Variants in TLN2 observed in about 807,000 individuals in gnomAD.
TLN2 encodes talin-2.
Under a neutral mutation model 294.7 loss-of-function variants are expected in TLN2, and 118 were observed. That is an observed-to-expected ratio of 0.40 (90% CI 0.34 to 0.47). The LOEUF (loss-of-function observed/expected upper bound fraction) is 0.47. TLN2 is among the 20% of genes least tolerant of loss of function. TLN2 has a pLI of 0.84. For synonymous variants in TLN2, 1,431 were observed against 1,304.5 expected, an observed-to-expected ratio of 1.10 and a Z score of -2.09; for missense variants, 3,083 against 3,282.2, an observed-to-expected ratio of 0.94 and a Z score of 1.48.
intron 54 of TLN2, among the ~76,000 whole-genome samples, chr15:62,823,028 T>C (rs959662027): frequency 4.6e-5 from 7 of 152,206 alleles, no homozygotes; most frequent in African/African-American, 1.7e-4. Flanking sequence ...CCTTTGTGTT[T>C]ACATTGAGGG....
chr15:62,609,625 A>C (rs2140816453), intron 2 of TLN2, among the ~76,000 whole-genome samples: 1 of 152,318 alleles, frequency 6.6e-6, no homozygotes, highest in Non-Finnish European at 1.5e-5. Flanking sequence ...GTTGGCGGGA[A>C]TATCACAGAA....
chr15:62,616,414 C>T (rs1379077303), intron 2 of TLN2, among the ~76,000 whole-genome samples: 1 of 152,078 alleles, frequency 6.6e-6, no homozygotes, highest in Non-Finnish European at 1.5e-5. Flanking sequence ...TACTATTTTC[C>T]ATACATTTTC....
chr15:62,836,413 C>T (rs2069591075), intron 57 of TLN2, among the ~76,000 whole-genome samples: 1 of 152,206 alleles, frequency 6.6e-6, no homozygotes, highest in Non-Finnish European at 1.5e-5. Context: ...TTTGAGAGCC[C>T]CTAGCCAGAC....
chr15:62,678,271 G>C (rs2056453253), intron 11 of TLN2, among the ~76,000 whole-genome samples: 1 of 152,008 alleles, frequency 6.6e-6, no homozygotes, highest in Non-Finnish European at 1.5e-5. Context: ...ACCATAGTTT[G>C]CCTTATTTTA....
chr15:62,460,864 C>T (rs951213084), intron 1 of TLN2, among the ~76,000 whole-genome samples: 7 of 152,086 alleles, frequency 4.6e-5, no homozygotes, highest in East Asian at 3.9e-4. Context: ...ATTTCAGAAG[C>T]CCCCTGATAC....
At chr15:62,756,487 C>A (rs1296881908) in intron 37 of TLN2, among the ~76,000 whole-genome samples, 2 of 152,132 alleles carry the variant, frequency 1.3e-5, no homozygotes, top group Non-Finnish European at 2.9e-5. Context: ...AGCACCATCG[C>A]GCCAGCTCCC....
chr15:62,557,868 A>G, intron 1 of TLN2, among the ~76,000 whole-genome samples: 1 of 152,132 alleles, frequency 6.6e-6, no homozygotes, highest in East Asian at 1.9e-4. Context: ...GTAAACTTCA[A>G]ATTACTGTGT....
At chr15:62,601,807 A>G (rs888698182) in intron 2 of TLN2, among the ~76,000 whole-genome samples, 5 of 152,188 alleles carry the variant, frequency 3.3e-5, no homozygotes, top group Non-Finnish European at 7.3e-5. Context: ...TCCAAAAGAG[A>G]TCACTGAGAC....
chr15:62,664,864 A>AAAAAAAAAAAAG (rs2054379423), intron 9 of TLN2, among the ~76,000 whole-genome samples: 1 of 148,558 alleles, frequency 6.7e-6, no homozygotes, highest in Non-Finnish European at 1.5e-5. Context: ...TCTCAAAAAA[A>AAAAAAAAAAAAG]AAAAAAAAAA....
At chr15:62,807,901 G>A (rs1242097219) in intron 51 of TLN2, among the ~76,000 whole-genome samples, 1 of 152,126 alleles carries the variant, frequency 6.6e-6, no homozygotes, top group Non-Finnish European at 1.5e-5. Context: ...CATTTCCCTT[G>A]ATCTCCTGTA....
intron 1 of TLN2, among the ~76,000 whole-genome samples, chr15:62,537,597 T>C (rs1003724801): frequency 3.3e-5 from 5 of 152,180 alleles, no homozygotes; most frequent in Admixed American, 6.5e-5. Flanking sequence ...AGGAAGTGAT[T>C]TACTTGCTTA....
intron 1 of TLN2, among the ~76,000 whole-genome samples, chr15:62,500,573 G>A (rs1479963237): frequency 1.3e-5 from 2 of 152,338 alleles, no homozygotes; most frequent in African/African-American, 4.8e-5. Context: ...GACCCTTGGT[G>A]TCTAGACAAA....
At chr15:62,450,631 G>A (rs571255968) in intron 1 of TLN2, among the ~76,000 whole-genome samples, 2 of 152,040 alleles carry the variant, frequency 1.3e-5, no homozygotes, top group East Asian at 3.9e-4. Context: ...CTGGAGTGCG[G>A]TGGCATGAAC....
rs543311492 is a variant in TLN2 at position 62,535,716 on chromosome 15, C to T, written c.-237-53971C>T. 5.3e-5 allele frequency among the ~76,000 whole-genome samples: 8 copies of T among 152,166 alleles called. No individual in the cohort carries two copies. The East Asian group carries it at 1.2e-3, about 22-fold the overall frequency. Reference sequence around the variant, plus strand: ...GATTATGGGTGCCTGCCGCCACGCCCGGCTAATTTTTGTAATTTAGTAGAG... The same window carrying T: ...GATTATGGGTGCCTGCCGCCACGCCTGGCTAATTTTTGTAATTTAGTAGAG... On this transcript the variant is annotated intron_variant, in intron 1 of 58. Coordinates refer to ENST00000636159, the MANE Select transcript of TLN2 (RefSeq NM_015059.3).
At chr15:62,721,187 A>G (rs2060125739) in intron 25 of TLN2, among the ~76,000 whole-genome samples, 1 of 152,220 alleles carries the variant, frequency 6.6e-6, no homozygotes, top group African/African-American at 2.4e-5. Flanking sequence ...ATAGAAATTG[A>G]ATTGACAGAT....
chr15:62,655,196 G>C (rs1423835030), intron 7 of TLN2, among the ~76,000 whole-genome samples: 4 of 152,162 alleles, frequency 2.6e-5, no homozygotes, highest in African/African-American at 9.7e-5. Context: ...GGAGATGTGG[G>C]AGACACGTTT....
intron 25 of TLN2, among the ~76,000 whole-genome samples, chr15:62,721,953 A>G (rs2060175514): frequency 6.6e-6 from 1 of 152,202 alleles, no homozygotes. Context: ...AGGTCATGTT[A>G]GCTGTTTTAT....
At chr15:62,479,132 G>A (rs1225065574) in intron 1 of TLN2, among the ~76,000 whole-genome samples, 2 of 152,156 alleles carry the variant, frequency 1.3e-5, no homozygotes, top group African/African-American at 4.8e-5. Context: ...ACTTAGTGGG[G>A]CTAAGCTTGT....
intron 22 of TLN2, among the ~76,000 whole-genome samples, chr15:62,713,724 T>G (rs1248481725): frequency 6.6e-6 from 1 of 151,808 alleles, no homozygotes; most frequent in African/African-American, 2.4e-5. Context: ...GTAGAGGACC[T>G]CTCCTCACTC....
Sources: gnomAD v4.1 joint callset for allele counts (sites outside exome capture counted in the v4.1 genomes callset) on GRCh38, gnomAD v4.1.1 for gene constraint, MANE v1.5 for transcripts, NCBI Gene and HGNC (gene_info 2026-07-23, HGNC 2026-07-21) for gene names.